BLOC1S2: variants seen among roughly 807,000 people sequenced by gnomAD.
BLOC1S2 encodes the protein biogenesis of lysosomal organelles complex 1 subunit 2, also known as biogenesis of lysosome-related organelles complex 1 subunit 2.
A neutral mutation model predicts 19.6 loss-of-function variants in BLOC1S2; 12 were observed. The ratio of observed to expected loss-of-function variants is 0.61; its 90% confidence interval spans 0.39 to 0.99. The LOEUF (loss-of-function observed/expected upper bound fraction) is 0.99. BLOC1S2 is among the 50% of genes least tolerant of loss of function. The pLI is 0.00. For missense variants in BLOC1S2, 142 were observed against 171.0 expected, an observed-to-expected ratio of 0.83 and a Z score of 0.95; for synonymous variants, 66 against 64.1, an observed-to-expected ratio of 1.03 and a Z score of -0.14.
chr10:100,273,907 T>G lies in BLOC1S2; in HGVS notation c.*1555A>C, dbSNP rs2134344021. On this transcript the variant is annotated 3_prime_UTR_variant, in exon 5 of 5. Transcript: ENST00000370372. Reference sequence around the variant, plus strand: ...GGTTGGAAGAAGGGGTAAGACTGATTCTATGTTAAGATAGTAGAGTTACAG... The same window carrying G: ...GGTTGGAAGAAGGGGTAAGACTGATGCTATGTTAAGATAGTAGAGTTACAG... 6.6e-6 allele frequency: 1 copy of G among 152,198 alleles called. No homozygotes were observed. Among genetic ancestry groups the G allele is most frequent in the Middle Eastern group, 3.4e-3 (1 of 292 alleles). The allele number at this position is 152,198 out of a possible 1,614,324, so 9.4% of individuals were successfully genotyped here.
intron 3 of BLOC1S2, 43 bp downstream of exon 3, chr10:100,280,891 A>G (rs762653479): frequency 1.5e-5 from 23 of 1,571,882 alleles, no homozygotes; most frequent in Non-Finnish European, 1.8e-5. Flanking sequence ...GCACAAAAGA[A>G]CATTAAATAC....
intron 4 of BLOC1S2, among the ~76,000 whole-genome samples, chr10:100,277,829 A>G (rs1847961618): frequency 8.8e-6 from 1 of 113,238 alleles, no homozygotes. Flanking sequence ...TCCGGGAGGG[A>G]GGTGGGGGAG....
intron 4 of BLOC1S2, among the ~76,000 whole-genome samples, chr10:100,278,829 T>G: frequency 6.7e-6 from 1 of 148,162 alleles, no homozygotes. Context: ...AAAAGGCCTG[T>G]GATTCCAGCT....
chr10:100,278,944 G>A (rs1399381650), intron 4 of BLOC1S2, among the ~76,000 whole-genome samples: 2 of 152,030 alleles, frequency 1.3e-5, no homozygotes, highest in Non-Finnish European at 2.9e-5. Context: ...TAAAGTAGCT[G>A]GATGTGATGG....
At chr10:100,285,314 G>T (rs1431381646) in intron 2 of BLOC1S2, among the ~76,000 whole-genome samples, 1 of 152,060 alleles carries the variant, frequency 6.6e-6, no homozygotes, top group Non-Finnish European at 1.5e-5. Flanking sequence ...AGTGCAAGTG[G>T]TGTGATCTCA....
At chr10:100,286,577 A>C in intron 1 of BLOC1S2, 28 bp downstream of exon 1, 1 of 1,611,250 alleles carries the variant, frequency 6.2e-7, no homozygotes, top group South Asian at 1.1e-5. Context: ...CCCCCACCGG[A>C]CGCTTCCTCC....
intron 4 of BLOC1S2, 120 bp from the exon 5 acceptor site, chr10:100,275,613 T>C (rs1847830676): frequency 2.4e-6 from 2 of 835,996 alleles, no homozygotes; most frequent in Non-Finnish European, 3.8e-6. Flanking sequence ...TCTATTAGCT[T>C]CAATCTCATC....
At chr10:100,280,277 G>T (rs1310804660) in intron 3 of BLOC1S2, 49 bp from the exon 4 acceptor site, 7 of 1,485,474 alleles carry the variant, frequency 4.7e-6, no homozygotes, top group Non-Finnish European at 5.6e-6. Context: ...TATTAACAAA[G>T]AATATAGGAA....
At position 100,274,581 on chromosome 10, in the gene BLOC1S2, G is replaced by A. The variant is rs750633986; in HGVS notation, c.*881C>T. On this transcript the variant is annotated 3_prime_UTR_variant, in exon 5 of 5. Coordinates refer to ENST00000370372, the MANE Select transcript of BLOC1S2 (RefSeq NM_173809.5). ...CTAATGTTGTGTTCTGGGTAAGGCT[G>A]CCTATCTTTCAACCTAGACTGGTCA... 22 of 170,064 alleles carry A rather than the reference G, an allele frequency of 1.3e-4. 1 individual carries two copies. The Middle Eastern group carries it at 0.013, about 101-fold the overall frequency. The allele number at this position is 170,064 out of a possible 1,614,324, so 10.5% of individuals were successfully genotyped here. A position where few individuals can be genotyped will look rare whatever the true frequency, so the allele number is the denominator to read the frequency against.
intron 2 of BLOC1S2, chr10:100,282,984 G>A (rs1052482920): frequency 5.0e-6 from 2 of 398,440 alleles, no homozygotes; most frequent in Non-Finnish European, 8.8e-6. Flanking sequence ...TCCGAAATCT[G>A]TTTCTTGTGC....
chr10:100,276,153 A>G (rs972751118), intron 4 of BLOC1S2, among the ~76,000 whole-genome samples: 1 of 152,204 alleles, frequency 6.6e-6, no homozygotes, highest in African/African-American at 2.4e-5. Flanking sequence ...AACTGTAGAA[A>G]ATAAAACTGA....
chr10:100,284,800 T>A (rs979439495), intron 2 of BLOC1S2, among the ~76,000 whole-genome samples: 6 of 151,574 alleles, frequency 4.0e-5, no homozygotes, highest in Admixed American at 1.3e-4. Context: ...CATATTTTTT[T>A]AAATAATAAT....
At chr10:100,283,411 G>T (rs895753295) in intron 2 of BLOC1S2, among the ~76,000 whole-genome samples, 5 of 152,076 alleles carry the variant, frequency 3.3e-5, no homozygotes, top group African/African-American at 1.2e-4. Context: ...TAAACTACTG[G>T]CCTCAAGCAA....
intron 2 of BLOC1S2, among the ~76,000 whole-genome samples, chr10:100,285,177 T>G (rs1389143047): frequency 6.6e-6 from 1 of 152,214 alleles, no homozygotes; most frequent in African/African-American, 2.4e-5. Context: ...AGTAATTTCC[T>G]GGGGAAGTGA....
At position 100,275,064 on chromosome 10, in the gene BLOC1S2, C is replaced by G; in HGVS notation, c.*398G>C. On this transcript the variant is annotated 3_prime_UTR_variant, in exon 5 of 5. Transcript: ENST00000370372. ...GTTTACAACACATTAGCATCATTAACAGAAAAACGACCATTTACATAGTAA... is the reference window on the plus strand; with the variant it reads ...GTTTACAACACATTAGCATCATTAAGAGAAAAACGACCATTTACATAGTAA... 1 of 399,850 alleles carries G rather than the reference C, an allele frequency of 2.5e-6. No homozygotes were observed. The highest frequency in any genetic ancestry group is 4.4e-6 in the Non-Finnish European group (1 of 226,750). The allele number at this position is 399,850 out of a possible 1,614,324, so 24.8% of individuals were successfully genotyped here.
At chr10:100,276,990 T>C (rs1847898407) in intron 4 of BLOC1S2, among the ~76,000 whole-genome samples, 2 of 150,642 alleles carry the variant, frequency 1.3e-5, no homozygotes, top group Non-Finnish European at 3.0e-5. Context: ...GGAGCCCCTC[T>C]GCCTGGCTGC....
In BLOC1S2 at chr10:100,280,054, TTA is replaced by T. The variant is rs761710379; in HGVS notation, c.397+68_397+69del. On this transcript the variant is annotated intron_variant, in intron 4 of 4. Transcript: ENST00000370372. ...GTAGGCACACCATAAATGTTAACTA[TTA>T]TGTTTACTAAGAATATGCTGGCAAG... is the stretch of plus-strand genomic sequence containing the variant. The T allele has an allele frequency of 4.9e-5, 59 of 1,216,242 alleles. No individual in the cohort carries two copies. The African/African-American group carries it at 8.6e-4, about 18-fold the overall frequency. 75.3% of individuals were successfully genotyped at this position (1,216,242 alleles called of 1,614,324 possible).
chr10:100,276,876 C>A (rs1336488416), intron 4 of BLOC1S2, among the ~76,000 whole-genome samples: 1 of 152,182 alleles, frequency 6.6e-6, no homozygotes, highest in African/African-American at 2.4e-5. Context: ...CAGCCGCCTG[C>A]CTTGGCCCCC....
chr10:100,278,809 T>TAA lies in BLOC1S2; in HGVS notation c.397+1313_397+1314dup, dbSNP rs71013437. Reference sequence around the variant, plus strand: ...GTGAGAAACACCCAAGAATGATCAATAAAAAAAAAAAAAGGCCTGTGATTC... The same window carrying TAA: ...GTGAGAAACACCCAAGAATGATCAATAAAAAAAAAAAAAAAGGCCTGTGATTC... On this transcript the variant is annotated intron_variant, in intron 4 of 4. Coordinates refer to ENST00000370372, the MANE Select transcript of BLOC1S2 (RefSeq NM_173809.5). 4.2e-3 allele frequency among the ~76,000 whole-genome samples: 575 copies of TAA among 137,760 alleles called. 5 individuals are homozygous for TAA. The highest frequency in any genetic ancestry group is 6.3e-3 in the East Asian group (29 of 4,600). The allele number at this position is 137,760 out of a possible 152,430, so 90.4% of individuals were successfully genotyped here.
Sources: allele counts gnomAD v4.1 joint callset (sites outside exome capture counted in the v4.1 genomes callset), GRCh38; gene constraint gnomAD v4.1.1; transcripts MANE v1.5; gene names NCBI Gene and HGNC (gene_info 2026-07-23, HGNC 2026-07-21).